The following CDR2 variants were observed in gnomAD, a reference collection of about 807,000 sequenced individuals.
CDR2 encodes cerebellar degeneration-related protein 2.
In CDR2, 34 loss-of-function variants were observed where a neutral mutation model predicts 48.4. The observed-to-expected ratio is 0.70, with a 90% confidence interval of 0.53 to 0.94. The LOEUF (loss-of-function observed/expected upper bound fraction) is 0.94, where lower values mean the gene tolerates loss of function less well. Among genes scored for constraint, CDR2 ranks in the 40% least tolerant of loss-of-function variants. The probability of loss-of-function intolerance (pLI) is 0.00; values close to 1 mark genes in which losing one functional copy is unlikely to be tolerated. For synonymous variants in CDR2, 240 were observed against 219.7 expected (o/e 1.09, Z -0.82); for missense variants, 498 against 549.5 (o/e 0.91, Z 0.94).
In CDR2 at chr16:22,347,383, C is replaced by G; in HGVS notation, c.947G>C (p.Ser316Thr). The G allele has an allele frequency of 6.2e-7, 1 of 1,614,214 alleles. No individual in the cohort carries two copies. Among genetic ancestry groups the G allele is most frequent in the Non-Finnish European group, 8.5e-7 (1 of 1,180,042 alleles). ...LKRSSSETILSSLAGSDIVKG... is the reference protein window; with the variant it reads ...LKRSSSETILTSLAGSDIVKG... ...CACGATGTCACTCCCTGCCAAGCTG[C>G]TGAGGATCGTCTCACTGCTGCTGCG... is the stretch of plus-strand genomic sequence containing the variant. Residue 316 changes from serine to threonine, a missense_variant, in exon 5 of 5, where the codon AGC (serine) becomes ACC (threonine). By Grantham distance (58) the Ser-to-Thr change is moderately conservative (BLOSUM62 1). Transcript: ENST00000268383.
At chr16:22,350,056 G>A (rs2048932351) in intron 2 of CDR2, among the ~76,000 whole-genome samples, 1 of 152,140 alleles carries the variant, frequency 6.6e-6, no homozygotes, top group Non-Finnish European at 1.5e-5. Flanking sequence ...AGGTGTGGTG[G>A]CACACGCCTG....
At chr16:22,365,080 T>TAGTTTAGTTATATAAAGA in intron 1 of CDR2, 66 bp from the exon 2 acceptor site, 3 of 1,056,876 alleles carry the variant, frequency 2.8e-6, no homozygotes, top group African/African-American at 3.1e-5. Flanking sequence ...TATAACCCAG[T>TAGTTTAGTTATATAAAGA]CCTTCAAAAA....
At chr16:22,373,769 C>T (rs1042427937) in intron 1 of CDR2, among the ~76,000 whole-genome samples, 2 of 152,230 alleles carry the variant, frequency 1.3e-5, no homozygotes, top group Non-Finnish European at 2.9e-5. Flanking sequence ...GTGCGGAGCG[C>T]ACAGCTCCCG....
At chr16:22,363,729 T>G (rs1433002756) in intron 2 of CDR2, among the ~76,000 whole-genome samples, 1 of 152,126 alleles carries the variant, frequency 6.6e-6, no homozygotes, top group African/African-American at 2.4e-5. Context: ...AGACCCTTTT[T>G]GGGGGAAGCA....
intron 1 of CDR2, among the ~76,000 whole-genome samples, chr16:22,365,602 G>T (rs1249525586): frequency 1.3e-5 from 2 of 152,144 alleles, no homozygotes; most frequent in Non-Finnish European, 2.9e-5. Context: ...CAGAAATGTG[G>T]TTTTTGAGGT....
At position 22,346,973 on chromosome 16, in the gene CDR2, G is replaced by A. The variant is rs1751886983; in HGVS notation, c.1357C>T (p.His453Tyr). The change falls in exon 5 of 5, where the codon CAT becomes TAT. Residue 453 changes from histidine (H) to tyrosine (Y), a missense_variant. By Grantham distance (83) the His-to-Tyr change is moderately conservative. Transcript: ENST00000268383. The part of the protein sequence containing the change: ...QRTKYRSLSS[H>Y]S ...TAGAGCTAGAGGTTCAATTAAGAAT[G>A]AGAGGAGAGTGATCGGTATTTTGTT... is the stretch of plus-strand genomic sequence containing the variant. The A allele has an allele frequency of 6.2e-7, 1 of 1,607,766 alleles. No homozygotes were observed. The highest frequency in any genetic ancestry group is 1.3e-5 in the African/African-American group (1 of 74,818).
chr16:22,345,961 G>A lies in CDR2; in HGVS notation c.*1004C>T, dbSNP rs542586796. The A allele has an allele frequency of 1.3e-5, 2 of 152,696 alleles. No homozygotes were observed. The highest frequency in any genetic ancestry group is 1.9e-4 in the East Asian group (1 of 5,194). The allele number at this position is 152,696 out of a possible 1,614,324, so 9.5% of individuals were successfully genotyped here. A position where few individuals can be genotyped will look rare whatever the true frequency, so the allele number is the denominator to read the frequency against. ...TTCATTTTCATAGGTAGCTTTATTT[G>A]GTTTTTAGAAAAATATATACAATAA... On this transcript the variant is annotated 3_prime_UTR_variant, in exon 5 of 5. Transcript: ENST00000268383.
rs1163427723 is a variant in CDR2, at chr16:22,346,962, C to G, written c.*3G>C. 2.5e-6 allele frequency: 4 copies of G among 1,604,468 alleles called. No individual in the cohort carries two copies. In the African/African-American group the frequency reaches 5.4e-5, roughly 21 times the overall value. Reference sequence around the variant, plus strand: ...CAAATTAGTAGTAGAGCTAGAGGTTCAATTAAGAATGAGAGGAGAGTGATC... The same window carrying G: ...CAAATTAGTAGTAGAGCTAGAGGTTGAATTAAGAATGAGAGGAGAGTGATC... On this transcript the variant is annotated 3_prime_UTR_variant, in exon 5 of 5. Coordinates refer to ENST00000268383, the MANE Select transcript of CDR2 (RefSeq NM_001802.2).
rs757155162 is a variant in CDR2, at chr16:22,346,919, GAGGCGAT to G, written c.*39_*45del. 3.2e-6 allele frequency: 5 copies of G among 1,566,288 alleles called. No homozygotes were observed. The highest frequency in any genetic ancestry group is 1.4e-5 in the African/African-American group (1 of 74,024). On this transcript the variant is annotated 3_prime_UTR_variant, in exon 5 of 5. Transcript: ENST00000268383. ...CAAACACTTGTCTGAATGGGAGAGA[GAGGCGAT>G]AGGCAATAGGCAAATTAGTAGTAGA...
At chr16:22,348,484 T>C (rs2048921635) in intron 4 of CDR2, among the ~76,000 whole-genome samples, 1 of 152,194 alleles carries the variant, frequency 6.6e-6, no homozygotes, top group Non-Finnish European at 1.5e-5. Context: ...CCTGAGGGTT[T>C]CTAAAGGCTC....
intron 2 of CDR2, among the ~76,000 whole-genome samples, chr16:22,350,475 A>C (rs930424768): frequency 1.3e-5 from 2 of 152,162 alleles, no homozygotes; most frequent in South Asian, 2.1e-4. Flanking sequence ...CTAACCCTCT[A>C]ATCATGTGGT....
intron 1 of CDR2, among the ~76,000 whole-genome samples, chr16:22,370,645 C>G (rs1042582609): frequency 1.3e-5 from 2 of 152,206 alleles, no homozygotes; most frequent in Admixed American, 1.3e-4. Context: ...ACTGAGCCAA[C>G]TCAGCTCTCT....
chr16:22,353,150 A>C (rs1485446735), intron 2 of CDR2, among the ~76,000 whole-genome samples: 3 of 152,208 alleles, frequency 2.0e-5, no homozygotes, highest in Non-Finnish European at 4.4e-5. Context: ...CTAATGCATA[A>C]GCCAGACATT....
intron 1 of CDR2, 137 bp downstream of exon 1, chr16:22,374,094 C>T (rs2049099510): frequency 9.0e-6 from 5 of 555,734 alleles, no homozygotes; most frequent in Admixed American, 7.6e-5. Context: ...GCACGGCCGG[C>T]CCAGCCGCCA....
chr16:22,374,123 C>T (rs535974767), intron 1 of CDR2, 108 bp downstream of exon 1: 119 of 700,414 alleles, frequency 1.7e-4, no homozygotes, highest in Middle Eastern at 6.7e-4. Flanking sequence ...TGAGCCCTTC[C>T]CGGCACCTGC....
chr16:22,364,832 C>T, intron 2 of CDR2, 70 bp downstream of exon 2: 1 of 837,084 alleles, frequency 1.2e-6, no homozygotes, highest in African/African-American at 1.7e-5. Flanking sequence ...GCTTTTTTAC[C>T]AGTATGTGAT....
rs781025473 is a variant in CDR2, at chr16:22,347,396, C to T, written c.934G>A (p.Glu312Lys). The change falls in exon 5 of 5, where the codon GAG becomes AAG. Residue 312 changes from glutamate (E) to lysine (K), a missense_variant. Coordinates refer to ENST00000268383, the MANE Select transcript of CDR2 (RefSeq NM_001802.2). ...HRKPLKRSSS[E>K]TILSSLAGSD... The stretch of plus-strand genomic sequence containing the variant: ...CCTGCCAAGCTGCTGAGGATCGTCT[C>T]ACTGCTGCTGCGCTTGAGAGGCTTT... The T allele has an allele frequency of 7.4e-6, 12 of 1,614,232 alleles. No individual in the cohort carries two copies. In the South Asian group the frequency reaches 1.3e-4, roughly 18 times the overall value.
chr16:22,365,108 T>C (rs1416032605), intron 1 of CDR2, 94 bp from the exon 2 acceptor site: 7 of 815,944 alleles, frequency 8.6e-6, no homozygotes, highest in South Asian at 1.6e-5. Context: ...GTAGTTTAAG[T>C]CACATCCCAA....
intron 1 of CDR2, among the ~76,000 whole-genome samples, chr16:22,371,505 C>CCA (rs1464581564): frequency 6.6e-6 from 1 of 152,174 alleles, no homozygotes; most frequent in Admixed American, 6.5e-5. Flanking sequence ...TCCTACCTAT[C>CCA]CACTCATGTG....
Sources: gnomAD v4.1 joint callset for allele counts (sites outside exome capture counted in the v4.1 genomes callset) on GRCh38, gnomAD v4.1.1 for gene constraint, MANE v1.5 for transcripts, NCBI Gene and HGNC (gene_info 2026-07-23, HGNC 2026-07-21) for gene names.